The following KCNQ1 variants were observed in gnomAD, a reference collection of about 807,000 sequenced individuals.
The protein encoded by KCNQ1 is potassium voltage-gated channel subfamily Q member 1.
A neutral mutation model predicts 72.4 loss-of-function variants in KCNQ1; 49 were observed. That is an observed-to-expected ratio of 0.68 (90% CI 0.54 to 0.86). KCNQ1 has a LOEUF of 0.86. Among genes scored for constraint, KCNQ1 ranks in the 40% least tolerant of loss-of-function variants. The pLI is 0.00. For missense variants in KCNQ1, 790 were observed against 945.1 expected, an observed-to-expected ratio of 0.84 and a Z score of 2.15; for synonymous variants, 450 against 412.6, an observed-to-expected ratio of 1.09 and a Z score of -1.10.
intron 6 of KCNQ1, among the ~76,000 whole-genome samples, chr11:2,577,254 C>A (rs879831445): frequency 1.3e-5 from 2 of 152,178 alleles, no homozygotes; most frequent in Non-Finnish European, 2.9e-5. Flanking sequence ...CAGTCAGGAG[C>A]GAGAAGCATG....
At chr11:2,758,186 A>AT (rs1393815614) in intron 11 of KCNQ1, among the ~76,000 whole-genome samples, 1 of 152,206 alleles carries the variant, frequency 6.6e-6, no homozygotes, top group Non-Finnish European at 1.5e-5. Flanking sequence ...CATCTAGAAC[A>AT]TGAAGTACTC....
intron 10 of KCNQ1, chr11:2,630,971 G>C (rs965606295): frequency 2.0e-5 from 8 of 398,394 alleles, no homozygotes; most frequent in Non-Finnish European, 3.1e-5. Flanking sequence ...GGTTCCTGCA[G>C]ATGTAAGAAC....
rs1254227911 is a variant in KCNQ1, at chr11:2,720,825, A to C, written c.1515-48019A>C. On this transcript the variant is annotated intron_variant, in intron 11 of 15. Transcript: ENST00000155840. The surrounding 1 kb of genome is among the most constrained non-coding windows in gnomAD (Gnocchi z 5.1). ...GGGGCAAATGGTCCTCGTTTTCTTC[A>C]TTATATGGTGTTGAGTTGGGGAACG... is the stretch of plus-strand genomic sequence containing the variant. Among the ~76,000 whole-genome samples the C allele has an allele frequency of 1.3e-5, 2 of 151,950 alleles. No homozygotes were observed. The highest frequency in any genetic ancestry group is 2.9e-5 in the Non-Finnish European group (2 of 68,002).
chr11:2,474,034 T>C (rs1589900524), intron 1 of KCNQ1, among the ~76,000 whole-genome samples: 1 of 152,222 alleles, frequency 6.6e-6, no homozygotes, highest in Admixed American at 6.5e-5. Context: ...GGGCTGTGGC[T>C]GGCCCCAGCC....
rs1433880998 is a variant in KCNQ1 at position 2,447,663 on chromosome 11, T to G, written c.386+2179T>G. On this transcript the variant is annotated intron_variant, in intron 1 of 15. Coordinates refer to ENST00000155840, the MANE Select transcript of KCNQ1 (RefSeq NM_000218.3). The surrounding 1 kb of genome is among the most constrained non-coding windows in gnomAD (Gnocchi z 7.6). ...GTCCAGCCTTGCGCCAGTCCAGCCT[T>G]GTGTTGCTGTAAGAAGTCTTGGCAA... Among the ~76,000 whole-genome samples, 1 of 152,068 alleles carries G rather than the reference T, an allele frequency of 6.6e-6. No individual in the cohort carries two copies. The highest frequency in any genetic ancestry group is 2.4e-5 in the African/African-American group (1 of 41,430).
At chr11:2,707,803 G>T (rs1313802418) in intron 11 of KCNQ1, among the ~76,000 whole-genome samples, 2 of 152,212 alleles carry the variant, frequency 1.3e-5, no homozygotes, top group Admixed American at 1.3e-4. Context: ...CTGGAGCCAG[G>T]GTCTATCCCT....
intron 6 of KCNQ1, among the ~76,000 whole-genome samples, chr11:2,573,375 C>T (rs1033375136): frequency 3.2e-4 from 48 of 152,246 alleles, no homozygotes; most frequent in Admixed American, 2.0e-4. Context: ...CCAAGGAGAG[C>T]GGCGTCAGAT....
At chr11:2,730,499 C>T (rs1167966815) in intron 11 of KCNQ1, among the ~76,000 whole-genome samples, 1 of 152,216 alleles carries the variant, frequency 6.6e-6, no homozygotes, top group African/African-American at 2.4e-5. Context: ...TCTTCACAAC[C>T]TCCCTTCCTC....
Position 2,620,373 on chromosome 11 carries a change from C to T in KCNQ1, c.1393+31519C>T, listed in dbSNP as rs892770804. 12 of 207,598 alleles carry T rather than the reference C, an allele frequency of 5.8e-5. No individual in the cohort carries two copies. Among genetic ancestry groups the T allele is most frequent in the African/African-American group, 2.5e-4 (11 of 43,416 alleles). 12.9% of individuals were successfully genotyped at this position (207,598 alleles called of 1,614,324 possible). ...CTGGGATTAGAGGCATGCGCCACCA[C>T]GTCCAGCTAATTTTGTAGTTTTAGT... is the stretch of plus-strand genomic sequence containing the variant. On this transcript the variant is annotated intron_variant, in intron 10 of 15. Coordinates refer to ENST00000155840, the MANE Select transcript of KCNQ1 (RefSeq NM_000218.3). This position sits in a 1 kb window ranked among gnomAD's most constrained non-coding sequence, Gnocchi z 4.5.
In KCNQ1 at chr11:2,492,751, C is replaced by T. The variant is rs1422491846; in HGVS notation, c.387-35177C>T. 2.6e-5 allele frequency among the ~76,000 whole-genome samples: 4 copies of T among 152,282 alleles called. No individual in the cohort carries two copies. Among genetic ancestry groups the T allele is most frequent in the African/African-American group, 4.8e-5 (2 of 41,548 alleles). On this transcript the variant is annotated intron_variant, in intron 1 of 15. Coordinates refer to ENST00000155840, the MANE Select transcript of KCNQ1 (RefSeq NM_000218.3). This position sits in a 1 kb window ranked among gnomAD's most constrained non-coding sequence, Gnocchi z 4.1. ...GCCACATTTTCTTTATCCAGCCTAT[C>T]ATTGATGGGCATTTGGGTTGGTTCC...
At chr11:2,730,323 A>G (rs569875365) in intron 11 of KCNQ1, among the ~76,000 whole-genome samples, 1 of 152,344 alleles carries the variant, frequency 6.6e-6, no homozygotes, top group Non-Finnish European at 1.5e-5. Flanking sequence ...AGTGGCTTTA[A>G]GTGACACGTT....
Position 2,579,678 on chromosome 11 carries a change from G to A in KCNQ1, c.922-3757G>A, listed in dbSNP as rs1176894691. ...TGGGGTCCTGGAGCTGCGTCCTGCT[G>A]TATGTGTGCTCTCCACGGTGGGCAG... On this transcript the variant is annotated intron_variant, in intron 6 of 15. Transcript: ENST00000155840. The surrounding 1 kb of genome is among the most constrained non-coding windows in gnomAD (Gnocchi z 6.0). 6.6e-6 allele frequency among the ~76,000 whole-genome samples: 1 copy of A among 152,178 alleles called. No individual in the cohort carries two copies. The highest frequency in any genetic ancestry group is 1.5e-5 in the Non-Finnish European group (1 of 68,036).
At position 2,544,250 on chromosome 11, in the gene KCNQ1, ATATATATATGTGTGTGTGTG is replaced by A. The variant is rs1437919086; in HGVS notation, c.477+16246_477+16265del. Among the ~76,000 whole-genome samples the A allele has an allele frequency of 4.1e-5, 2 of 49,280 alleles. No individual in the cohort carries two copies. The highest frequency in any genetic ancestry group is 7.9e-5 in the Non-Finnish European group (2 of 25,366). The allele number at this position is 49,280 out of a possible 152,430, so 32.3% of individuals were successfully genotyped here. A position where few individuals can be genotyped will look rare whatever the true frequency, so the allele number is the denominator to read the frequency against. On this transcript the variant is annotated intron_variant, in intron 2 of 15. Coordinates refer to ENST00000155840, the MANE Select transcript of KCNQ1 (RefSeq NM_000218.3). This position sits in a 1 kb window ranked among gnomAD's most constrained non-coding sequence, Gnocchi z 4.4. ...CATATATATATATGTGTGTGTGTGT[ATATATATATGTGTGTGTGTG>A]TATATATATGTGTATATATATATGT...
At position 2,611,567 on chromosome 11, in the gene KCNQ1, C is replaced by A; in HGVS notation, c.1393+22713C>A. 1 of 398,498 alleles carries A rather than the reference C, an allele frequency of 2.5e-6. No individual in the cohort carries two copies. Among genetic ancestry groups the A allele is most frequent in the South Asian group, 1.3e-4 (1 of 7,776 alleles). The allele number at this position is 398,498 out of a possible 1,614,324, so 24.7% of individuals were successfully genotyped here. On this transcript the variant is annotated intron_variant, in intron 10 of 15. Coordinates refer to ENST00000155840, the MANE Select transcript of KCNQ1 (RefSeq NM_000218.3). This position sits in a 1 kb window ranked among gnomAD's most constrained non-coding sequence, Gnocchi z 5.3. ...AGCTTTCTTATTACTGTTTGCATGT[C>A]ATCTTTTTCCATCATTTTACTTTCA... is the stretch of plus-strand genomic sequence containing the variant.
At chr11:2,761,984 G>A (rs1278817958) in intron 11 of KCNQ1, among the ~76,000 whole-genome samples, 1 of 152,256 alleles carries the variant, frequency 6.6e-6, no homozygotes, top group Non-Finnish European at 1.5e-5. Flanking sequence ...TGTTCTCACT[G>A]GATGTGGGGC....
At chr11:2,688,795 C>T (rs559388605) in intron 11 of KCNQ1, 4 of 398,660 alleles carry the variant, frequency 1.0e-5, no homozygotes, top group African/African-American at 8.2e-5. Flanking sequence ...TTGCCCTCCC[C>T]CACACACAGC....
chr11:2,473,934 G>T lies in KCNQ1; in HGVS notation c.386+28450G>T, dbSNP rs1043601328. 1.3e-5 allele frequency among the ~76,000 whole-genome samples: 2 copies of T among 152,218 alleles called. No homozygotes were observed. Among genetic ancestry groups the T allele is most frequent in the African/African-American group, 4.8e-5 (2 of 41,462 alleles). On this transcript the variant is annotated intron_variant, in intron 1 of 15. Transcript: ENST00000155840. This position sits in a 1 kb window ranked among gnomAD's most constrained non-coding sequence, Gnocchi z 6.0. ...ACGGACATCCTCCTTCACCAAATCCGCAAAATAGGCCTGATGCCAGGAACG... is the reference window on the plus strand; with the variant it reads ...ACGGACATCCTCCTTCACCAAATCCTCAAAATAGGCCTGATGCCAGGAACG...
chr11:2,519,661 C>G (rs1214079450), intron 1 of KCNQ1, among the ~76,000 whole-genome samples: 1 of 152,202 alleles, frequency 6.6e-6, no homozygotes, highest in Non-Finnish European at 1.5e-5. Context: ...AAAACAACAA[C>G]AACTAATATA....
chr11:2,692,339 C>T (rs931396057), intron 11 of KCNQ1: 1 of 398,850 alleles, frequency 2.5e-6, no homozygotes, highest in African/African-American at 2.1e-5. Context: ...GCCACCATTT[C>T]TCTGTACTGC....
Sources: gnomAD v4.1 joint callset for allele counts (sites outside exome capture counted in the v4.1 genomes callset) on GRCh38, gnomAD v4.1.1 for gene constraint, Gnocchi (gnomAD v3.1) non-coding constraint, MANE v1.5 for transcripts, NCBI Gene and HGNC (gene_info 2026-07-23, HGNC 2026-07-21) for gene names.